Variants in EIF3L observed in about 807,000 individuals in gnomAD.
EIF3L encodes eukaryotic translation initiation factor 3 subunit L.
EIF3L carries 32 observed loss-of-function variants against 74.6 expected under a neutral mutation model. The ratio of observed to expected loss-of-function variants is 0.43; its 90% CI spans 0.32 to 0.58. The LOEUF (loss-of-function observed/expected upper bound fraction) is 0.58, where lower values mean the gene tolerates loss of function less well. Among genes scored for constraint, EIF3L ranks in the 20% least tolerant of loss-of-function variants. The pLI is 0.06. For synonymous variants in EIF3L, 256 were observed against 254.4 expected (o/e 1.01, Z -0.06); for missense variants, 474 against 707.8 (o/e 0.67, Z 3.75).
At chr22:37,852,640 AAG>A (rs1276220073) in intron 3 of EIF3L, among the ~76,000 whole-genome samples, 1 of 152,118 alleles carries the variant, frequency 6.6e-6, no homozygotes, top group African/African-American at 2.4e-5. Flanking sequence ...GTTGTTTTGA[AAG>A]AGCTGATTGT....
At chr22:37,879,546 G>C (rs1926937380) in intron 11 of EIF3L, 1 of 152,194 alleles carries the variant, frequency 6.6e-6, no homozygotes, top group Admixed American at 6.6e-5. Flanking sequence ...CTTCCAGGCA[G>C]AGGAACAGTT....
chr22:37,851,554 C>G, intron 3 of EIF3L, 64 bp downstream of exon 3: 1 of 814,708 alleles, frequency 1.2e-6, no homozygotes, highest in Non-Finnish European at 1.9e-6. Flanking sequence ...ATAGTTCCTA[C>G]AAATGAGGTG....
Position 37,850,366 on chromosome 22 carries a change from C to T in EIF3L, c.82+303C>T, listed in dbSNP as rs184599204. ...TTTTTGTTTTTGAGATGGAGTTTCCCTCTGTCCCCCAGGCTGGAGTGCAGT... is the reference window on the plus strand; with the variant it reads ...TTTTTGTTTTTGAGATGGAGTTTCCTTCTGTCCCCCAGGCTGGAGTGCAGT... On this transcript the variant is annotated intron_variant, in intron 2 of 12. Coordinates refer to ENST00000652021, the MANE Select transcript of EIF3L (RefSeq NM_016091.4). Among the ~76,000 whole-genome samples the T allele has an allele frequency of 7.4e-4, 113 of 152,144 alleles. 1 individual carries two copies. In the East Asian group the frequency reaches 0.011, roughly 14 times the overall value.
Position 37,874,519 on chromosome 22 carries a change from A to G in EIF3L, c.901A>G (p.Lys301Glu). ...GGTGCTGGAGAACATCGAACTGAACAAGAAGGTGATGCCTATTGCCTCTGG... is the reference window on the plus strand; with the variant it reads ...GGTGCTGGAGAACATCGAACTGAACGAGAAGGTGATGCCTATTGCCTCTGG... ...IKVLENIELN[K>E]KSMYSRVPEC... The change falls in exon 9 of 13, where the codon AAG becomes GAG. Residue 301 changes from lysine to glutamate, a missense_variant. Physicochemically the swap from Lys to Glu is moderately conservative, Grantham distance 56. Around this residue, in one of 4 missense-constraint regions of EIF3L, gnomAD observed 293 missense variants for 469.1 expected, o/e 0.62. Coordinates refer to ENST00000652021, the MANE Select transcript of EIF3L (RefSeq NM_016091.4). 1 of 1,613,840 alleles carries G rather than the reference A, an allele frequency of 6.2e-7. No individual in the cohort carries two copies. Among genetic ancestry groups the G allele is most frequent in the Non-Finnish European group, 8.5e-7 (1 of 1,179,830 alleles).
intron 7 of EIF3L, among the ~76,000 whole-genome samples, chr22:37,868,455 CT>C (rs201989381): frequency 0.011 from 1,641 of 147,056 alleles, 34 homozygotes; most frequent in African/African-American, 0.039. Flanking sequence ...TCTGGATATT[CT>C]TTTTTTTTCC....
At chr22:37,876,205 C>A in intron 10 of EIF3L, 194 bp downstream of exon 10, 3 of 558,182 alleles carry the variant, frequency 5.4e-6, no homozygotes, top group South Asian at 5.2e-5. Context: ...TCACAGCTCA[C>A]GTCAGCCTCA....
At chr22:37,867,224 G>A (rs1017191217) in intron 7 of EIF3L, among the ~76,000 whole-genome samples, 2 of 151,986 alleles carry the variant, frequency 1.3e-5, no homozygotes, top group East Asian at 1.9e-4. Context: ...ATGGGGTCTT[G>A]AAATCCTGGG....
At chr22:37,880,269 C>G (rs1013376226) in intron 11 of EIF3L, 1 of 152,130 alleles carries the variant, frequency 6.6e-6, no homozygotes, top group African/African-American at 2.4e-5. Context: ...CCCGCCACCA[C>G]ACCTGGCTAA....
At chr22:37,868,377 G>T (rs897909178) in intron 7 of EIF3L, among the ~76,000 whole-genome samples, 2 of 150,654 alleles carry the variant, frequency 1.3e-5, no homozygotes, top group Non-Finnish European at 1.5e-5. Flanking sequence ...CACCCATCTC[G>T]GCCTCCCAAA....
chr22:37,862,342 A>G (rs1477679239), intron 5 of EIF3L, among the ~76,000 whole-genome samples: 1 of 152,206 alleles, frequency 6.6e-6, no homozygotes, highest in African/African-American at 2.4e-5. Context: ...CATAAAGACC[A>G]GACCAGGGGT....
intron 8 of EIF3L, among the ~76,000 whole-genome samples, chr22:37,872,801 T>C (rs941380292): frequency 1.3e-5 from 2 of 151,784 alleles, no homozygotes; most frequent in Non-Finnish European, 2.9e-5. Flanking sequence ...TTTTCTTTTT[T>C]TTTTGGTAGA....
chr22:37,870,371 G>A lies in EIF3L; in HGVS notation c.751+24G>A, dbSNP rs115718162. On this transcript the variant is annotated intron_variant, in intron 8 of 12. Transcript: ENST00000652021. ...AGGTGAGTGCAGCAGGCCGACAGCC[G>A]TGGCCTGCGAATTTCCAGCTGCTTG... The A allele has an allele frequency of 1.2e-3, 1,863 of 1,561,686 alleles. 13 individuals are homozygous for A. The African/African-American group carries it at 0.021, about 18-fold the overall frequency.
intron 7 of EIF3L, among the ~76,000 whole-genome samples, chr22:37,863,546 C>T (rs192002724): frequency 6.6e-5 from 10 of 152,116 alleles, no homozygotes; most frequent in African/African-American, 9.7e-5. Flanking sequence ...AGCTGGAAGT[C>T]GGATAAGTTC....
chr22:37,857,743 A>G (rs1925611922), intron 4 of EIF3L, among the ~76,000 whole-genome samples: 1 of 151,880 alleles, frequency 6.6e-6, no homozygotes, highest in East Asian at 1.9e-4. Flanking sequence ...CATCTTGGCC[A>G]GGCTGATTTT....
At chr22:37,860,263 G>A (rs1427096269) in intron 5 of EIF3L, among the ~76,000 whole-genome samples, 1 of 152,160 alleles carries the variant, frequency 6.6e-6, no homozygotes, top group Non-Finnish European at 1.5e-5. Context: ...TGGACTAAAA[G>A]CCTTGGCATT....
At chr22:37,865,182 T>C (rs1926083055) in intron 7 of EIF3L, among the ~76,000 whole-genome samples, 1 of 152,048 alleles carries the variant, frequency 6.6e-6, no homozygotes, top group Admixed American at 6.6e-5. Flanking sequence ...AAACATAAAA[T>C]AGGCTGGGCG....
At chr22:37,859,222 C>T (rs1439998158) in intron 5 of EIF3L, among the ~76,000 whole-genome samples, 2 of 151,686 alleles carry the variant, frequency 1.3e-5, no homozygotes, top group African/African-American at 4.8e-5. Context: ...AAGAGGTTAC[C>T]TTTTCTCAAA....
intron 11 of EIF3L, chr22:37,884,331 G>GT (rs921568720): frequency 2.6e-5 from 4 of 152,236 alleles, no homozygotes; most frequent in African/African-American, 9.6e-5. Context: ...GTTTTTGGGG[G>GT]TTTTTTGTTC....
rs1176020738 is a variant in EIF3L, at chr22:37,862,966, CA to C, written c.436-2del. ...ATCTTGATATCTCTTGTTTTCTTTA[CA>C]GGGGGGACCTTCCTTGGAGCAGAGG... On this transcript the variant is annotated splice_acceptor_variant, in intron 5 of 12. Coordinates refer to ENST00000652021, the MANE Select transcript of EIF3L (RefSeq NM_016091.4). LOFTEE classifies it high-confidence loss of function. 7 of 1,607,282 alleles carry C rather than the reference CA, an allele frequency of 4.4e-6. No individual in the cohort carries two copies. The highest frequency in any genetic ancestry group is 5.9e-6 in the Non-Finnish European group (7 of 1,176,480).
Sources: gnomAD v4.1 joint callset for allele counts (sites outside exome capture counted in the v4.1 genomes callset) on GRCh38, gnomAD v4.1.1 for gene constraint, gnomAD v4.1.1 regional missense constraint, MANE v1.5 for transcripts, NCBI Gene and HGNC (gene_info 2026-07-23, HGNC 2026-07-21) for gene names.